The following KALRN variants were observed in gnomAD, a reference collection of about 807,000 sequenced individuals.
The protein encoded by KALRN is kalirin.
KALRN carries 70 observed loss-of-function variants against 353.7 expected under a neutral mutation model. That is an observed-to-expected ratio of 0.20 (90% CI 0.16 to 0.24). The LOEUF (loss-of-function observed/expected upper bound fraction) is 0.24, where lower values mean the gene tolerates loss of function less well. Among genes scored for constraint, KALRN ranks in the 10% least tolerant of loss-of-function variants. The pLI, the probability that KALRN is intolerant of heterozygous loss-of-function variation, is 1.00. For synonymous variants in KALRN, 1,391 were observed against 1,434.8 expected, an observed-to-expected ratio of 0.97 and a Z score of 0.69; for missense variants, 2,791 against 3,756.7, an observed-to-expected ratio of 0.74 and a Z score of 6.72.
chr3:124,063,626 A>C (rs1046848508), intron 1 of KALRN, among the ~76,000 whole-genome samples: 1 of 152,198 alleles, frequency 6.6e-6, no homozygotes, highest in Non-Finnish European at 1.5e-5. Context: ...GACATTTTGG[A>C]AGCAAGAAAG....
At chr3:124,426,500 A>G (rs765790567) in intron 15 of KALRN, among the ~76,000 whole-genome samples, 3 of 152,198 alleles carry the variant, frequency 2.0e-5, no homozygotes, top group Non-Finnish European at 4.4e-5. Flanking sequence ...AGTTTTACCA[A>G]AATTATATTA....
intron 21 of KALRN, among the ~76,000 whole-genome samples, chr3:124,447,537 T>C (rs2093879829): frequency 6.6e-6 from 1 of 152,208 alleles, no homozygotes; most frequent in South Asian, 2.1e-4. Context: ...GAAAATCTGA[T>C]CTGTCTCAAG....
chr3:124,171,910 G>A (rs552515071), intron 1 of KALRN, among the ~76,000 whole-genome samples: 44 of 152,198 alleles, frequency 2.9e-4, no homozygotes, highest in African/African-American at 7.9e-4. Flanking sequence ...CTCTCTCTCC[G>A]CAGATCTTGA....
At chr3:124,678,594 TAAA>T (rs2087467605) in intron 50 of KALRN, 1 of 225,426 alleles carries the variant, frequency 4.4e-6, no homozygotes, top group South Asian at 7.8e-5. Context: ...AGCATTCTCT[TAAA>T]AATGTGAGAT....
chr3:124,566,219 G>C (rs1038903237), intron 34 of KALRN, among the ~76,000 whole-genome samples: 1 of 152,060 alleles, frequency 6.6e-6, no homozygotes, highest in Admixed American at 6.5e-5. Context: ...GACCTAAGTC[G>C]GCCAGGCGCA....
In KALRN at chr3:124,697,614, G is replaced by A. The variant is rs369115824; in HGVS notation, c.7721G>A (p.Arg2574His). Residue 2574 changes from arginine (R) to histidine (H), a missense_variant, in exon 55 of 60, where the codon CGC becomes CAC. Transcript: ENST00000682506. ...ATAGGTGTTCCAGCAGCCCCTAACC[G>A]CCCCATTGCCCAGGAGAGAAGCTGC... ...KVQGVPAAPNRPIAQERSCTS... is the reference protein window; with the variant it reads ...KVQGVPAAPNHPIAQERSCTS... 8.1e-5 allele frequency: 130 copies of A among 1,609,702 alleles called. No homozygotes were observed. Among genetic ancestry groups the A allele is most frequent in the Middle Eastern group, 1.7e-4 (1 of 6,032 alleles).
Position 124,495,965 on chromosome 3 carries a change from GTATATATATATATATA to G in KALRN, c.4833-313_4833-298del, listed in dbSNP as rs768441029. Among the ~76,000 whole-genome samples, 156 of 41,478 alleles carry G rather than the reference GTATATATATATATATA, an allele frequency of 3.8e-3. 8 individuals carry two copies. The highest frequency in any genetic ancestry group is 0.012 in the Middle Eastern group (1 of 82). 27.2% of individuals were successfully genotyped at this position (41,478 alleles called of 152,430 possible). A position where few individuals can be genotyped will look rare whatever the true frequency, so the allele number is the denominator to read the frequency against. On this transcript the variant is annotated intron_variant, in intron 32 of 59. Coordinates refer to ENST00000682506, the MANE Select transcript of KALRN (RefSeq NM_001388419.1). Reference sequence around the variant, plus strand: ...CCCAAGTGTGTGTATGTGTATGTATGTATATATATATATATATATATATATATATATATATATATAT... The same window carrying G: ...CCCAAGTGTGTGTATGTGTATGTATGTATATATATATATATATATATATAT...
intron 16 of KALRN, among the ~76,000 whole-genome samples, chr3:124,431,696 A>T (rs995843701): frequency 6.7e-6 from 1 of 150,094 alleles, no homozygotes; most frequent in African/African-American, 2.4e-5. Flanking sequence ...ATCTTTTACT[A>T]AAAAAAAAAT....
chr3:124,421,503 T>C lies in KALRN; in HGVS notation c.2543-1309T>C, dbSNP rs186155383. On this transcript the variant is annotated intron_variant, in intron 14 of 59. Transcript: ENST00000682506. The stretch of plus-strand genomic sequence containing the variant: ...CATTTAATCCCACAAGTTTAGGAGG[T>C]AGGTAGCTTATGAGGTAGGTAGGTA... 1.4e-4 allele frequency among the ~76,000 whole-genome samples: 21 copies of C among 152,272 alleles called. No individual in the cohort carries two copies. The East Asian group carries it at 3.7e-3, about 27-fold the overall frequency.
intron 1 of KALRN, among the ~76,000 whole-genome samples, chr3:124,181,097 A>AAAAAAAAAAAAAAAAAAAAAC (rs1239907415): frequency 6.7e-6 from 1 of 149,928 alleles, no homozygotes; most frequent in African/African-American, 2.4e-5. Flanking sequence ...AAAAAAAAAA[A>AAAAAAAAAAAAAAAAAAAAAC]AAAATTAGCC....
chr3:124,341,436 G>T (rs1029255129), intron 9 of KALRN, among the ~76,000 whole-genome samples: 2 of 152,218 alleles, frequency 1.3e-5, no homozygotes, highest in Non-Finnish European at 2.9e-5. Flanking sequence ...AGTGCAAGAT[G>T]CAGGCAAGGA....
chr3:124,462,563 C>T lies in KALRN; in HGVS notation c.3961C>T (p.Pro1321Ser), dbSNP rs369756232. The change falls in exon 25 of 60, where the codon CCC becomes TCC. Residue 1321 changes from proline to serine, a missense_variant. Transcript: ENST00000682506. ...AATGACCAGTGGTGTGGAGGAGATC[C>T]CCCCTGGGATCCTCAATAAAGAGCA... ...WEMTSGVEEI[P>S]PGILNKEHII... The T allele has an allele frequency of 3.1e-6, 5 of 1,612,068 alleles. No homozygotes were observed. Among genetic ancestry groups the T allele is most frequent in the Non-Finnish European group, 4.2e-6 (5 of 1,178,344 alleles).
intron 21 of KALRN, among the ~76,000 whole-genome samples, chr3:124,449,493 A>G (rs1032983286): frequency 6.6e-6 from 1 of 152,218 alleles, no homozygotes; most frequent in African/African-American, 2.4e-5. Flanking sequence ...GCACACGGAG[A>G]TGGGGAAGCT....
intron 1 of KALRN, among the ~76,000 whole-genome samples, chr3:124,051,113 A>G (rs2040997216): frequency 6.6e-6 from 1 of 152,206 alleles, no homozygotes; most frequent in Non-Finnish European, 1.5e-5. Flanking sequence ...GCTTATGTGC[A>G]TGTAAACATG....
At position 124,527,685 on chromosome 3, in the gene KALRN, C is replaced by T. The variant is rs181150805; in HGVS notation, c.4935+31272C>T. On this transcript the variant is annotated intron_variant, in intron 33 of 59. Coordinates refer to ENST00000682506, the MANE Select transcript of KALRN (RefSeq NM_001388419.1). The stretch of plus-strand genomic sequence containing the variant: ...AAGTAGGAACTCTCAGATAAGATAG[C>T]GTCTGCCCCAGTCTTCATGCCTCCA... Among the ~76,000 whole-genome samples the T allele has an allele frequency of 5.9e-5, 9 of 152,172 alleles. No individual in the cohort carries two copies. In the East Asian group the frequency reaches 1.5e-3, roughly 26 times the overall value.
intron 10 of KALRN, 59 bp downstream of exon 10, chr3:124,347,324 A>C: frequency 8.9e-7 from 1 of 1,121,080 alleles, no homozygotes; most frequent in Non-Finnish European, 1.2e-6. Context: ...GTGTGTGTCT[A>C]GATGAGGGAG....
intron 1 of KALRN, among the ~76,000 whole-genome samples, chr3:124,168,841 T>C (rs2071290417): frequency 6.6e-6 from 1 of 152,206 alleles, no homozygotes; most frequent in African/African-American, 2.4e-5. Flanking sequence ...GGAAGGCATC[T>C]CCATGTGTCT....
At chr3:124,478,507 G>A (rs952654755) in intron 27 of KALRN, among the ~76,000 whole-genome samples, 9 of 152,162 alleles carry the variant, frequency 5.9e-5, no homozygotes, top group Non-Finnish European at 1.3e-4. Flanking sequence ...GAAGCCAGAT[G>A]AGGAAAAATG....
chr3:124,689,766 CAAAA>C (rs199953941), intron 51 of KALRN, among the ~76,000 whole-genome samples: 8 of 148,880 alleles, frequency 5.4e-5, no homozygotes, highest in Admixed American at 5.4e-4. Context: ...AGACTCATAG[CAAAA>C]AAAAATATGA....
Sources: gnomAD v4.1 joint callset for allele counts (sites outside exome capture counted in the v4.1 genomes callset) on GRCh38, gnomAD v4.1.1 for gene constraint, MANE v1.5 for transcripts, NCBI Gene and HGNC (gene_info 2026-07-23, HGNC 2026-07-21) for gene names.